Variants in DNAH3 observed in about 807,000 individuals in gnomAD.
DNAH3 encodes the protein axonemal beta dynein heavy chain 3.
A neutral mutation model predicts 432.5 loss-of-function variants in DNAH3; 332 were observed. The ratio of observed to expected loss-of-function variants is 0.77; its 90% CI spans 0.70 to 0.84. The LOEUF (loss-of-function observed/expected upper bound fraction) is 0.84, where lower values mean the gene tolerates loss of function less well. Among genes scored for constraint, DNAH3 ranks in the 40% least tolerant of loss-of-function variants. The pLI is 0.00. For missense variants in DNAH3, 4,861 were observed against 5,114.0 expected, an observed-to-expected ratio of 0.95 and a Z score of 1.51; for synonymous variants, 1,956 against 1,900.2, an observed-to-expected ratio of 1.03 and a Z score of -0.76.
At chr16:20,987,413 C>A in exon 47 of DNAH3, 1 of 1,614,130 alleles carries the variant, frequency 6.2e-7, no homozygotes, top group Non-Finnish European at 8.5e-7. Context: ...CCCGATAAAC[C>A]TCATGGATCC....
intron 20 of DNAH3, among the ~76,000 whole-genome samples, chr16:21,080,480 T>C (rs188434786): frequency 6.6e-6 from 1 of 152,354 alleles, no homozygotes; most frequent in East Asian, 1.9e-4. Context: ...TTGTAGTATG[T>C]CTTCGAAATC....
chr16:20,947,303 C>T (rs2084093008), intron 57 of DNAH3, among the ~76,000 whole-genome samples: 1 of 152,188 alleles, frequency 6.6e-6, no homozygotes, highest in South Asian at 2.1e-4. Context: ...GTTCTCACTC[C>T]TTCCGCCATA....
chr16:20,936,315 G>A (rs2083587896), intron 60 of DNAH3, among the ~76,000 whole-genome samples: 1 of 152,006 alleles, frequency 6.6e-6, no homozygotes, highest in African/African-American at 2.4e-5. Flanking sequence ...ACTATGCCCT[G>A]CTGATTTTTT....
At chr16:20,981,234 G>A (rs1303321331) in intron 49 of DNAH3, among the ~76,000 whole-genome samples, 2 of 152,178 alleles carry the variant, frequency 1.3e-5, no homozygotes, top group African/African-American at 2.4e-5. Context: ...GAAATGCAAA[G>A]TACCAGTTGG....
intron 40 of DNAH3, 41 bp from the exon 41 acceptor site, chr16:21,019,910 T>C: frequency 1.2e-6 from 2 of 1,603,278 alleles, no homozygotes; most frequent in Non-Finnish European, 1.7e-6. Flanking sequence ...GAGTGCAGAA[T>C]GCCACAGATG....
At chr16:21,105,531 C>T (rs957400863) in intron 15 of DNAH3, among the ~76,000 whole-genome samples, 8 of 151,892 alleles carry the variant, frequency 5.3e-5, no homozygotes, top group African/African-American at 1.5e-4. Context: ...ATTGGGAGGT[C>T]GAGGCAGGCA....
intron 37 of DNAH3, among the ~76,000 whole-genome samples, chr16:21,028,939 C>T (rs997633399): frequency 2.0e-5 from 3 of 152,212 alleles, no homozygotes; most frequent in Non-Finnish European, 4.4e-5. Flanking sequence ...TCAAACACAA[C>T]TTGAAACAGG....
At chr16:21,068,325 T>TCGGGG (rs2090646811) in intron 23 of DNAH3, among the ~76,000 whole-genome samples, 1 of 76,606 alleles carries the variant, frequency 1.3e-5, no homozygotes, top group Non-Finnish European at 3.0e-5. Flanking sequence ...TTTTTTTGGG[T>TCGGGG]GGGGGGGGGG....
intron 18 of DNAH3, among the ~76,000 whole-genome samples, chr16:21,087,556 GTTA>G (rs1357361096): frequency 6.6e-6 from 1 of 151,984 alleles, no homozygotes; most frequent in Non-Finnish European, 1.5e-5. Context: ...GAAAAAAATT[GTTA>G]TTATTGGTTT....
intron 31 of DNAH3, among the ~76,000 whole-genome samples, chr16:21,046,765 T>C (rs1241464391): frequency 6.6e-6 from 1 of 152,198 alleles, no homozygotes; most frequent in Non-Finnish European, 1.5e-5. Flanking sequence ...AGTTTCTTCC[T>C]AGTCTCGATG....
intron 48 of DNAH3, among the ~76,000 whole-genome samples, chr16:20,984,697 C>T (rs1020311477): frequency 3.9e-5 from 6 of 151,984 alleles, no homozygotes; most frequent in African/African-American, 1.2e-4. Flanking sequence ...TGGTGAAACC[C>T]CTCTCTACTA....
At chr16:20,965,281 T>G in exon 53 of DNAH3, 5 of 1,613,598 alleles carry the variant, frequency 3.1e-6, no homozygotes, top group Non-Finnish European at 4.2e-6. Context: ...TGGCTGGAAT[T>G]CCGGGTGATT....
chr16:21,070,464 G>A (rs1490021506), intron 22 of DNAH3, among the ~76,000 whole-genome samples: 1 of 152,014 alleles, frequency 6.6e-6, no homozygotes, highest in Non-Finnish European at 1.5e-5. Context: ...TGTATTTTCA[G>A]TAGAGACGGA....
At chr16:21,114,994 A>G (rs575264562) in intron 12 of DNAH3, among the ~76,000 whole-genome samples, 19 of 152,336 alleles carry the variant, frequency 1.2e-4, no homozygotes, top group Admixed American at 4.6e-4. Flanking sequence ...AACAAACCCA[A>G]ATGTCCATCA....
intron 54 of DNAH3, among the ~76,000 whole-genome samples, 155 bp from the exon 55 acceptor site, chr16:20,955,212 T>TA (rs954103913): frequency 9.9e-5 from 15 of 151,352 alleles, no homozygotes; most frequent in African/African-American, 2.2e-4. Flanking sequence ...ATTGATAAAT[T>TA]AAAAAAAAAT....
chr16:21,016,076 A>C (rs2087842658), intron 41 of DNAH3, among the ~76,000 whole-genome samples: 1 of 152,190 alleles, frequency 6.6e-6, no homozygotes, highest in African/African-American at 2.4e-5. Flanking sequence ...GGTGTGAGCC[A>C]CTGTGCCTGG....
exon 53 of DNAH3, chr16:20,964,969 C>T: frequency 1.2e-6 from 2 of 1,614,214 alleles, no homozygotes; most frequent in Admixed American, 1.7e-5. Context: ...CCCAAGACCA[C>T]TGATCAGTTT....
At chr16:21,136,968 A>T (rs990755591) in intron 5 of DNAH3, among the ~76,000 whole-genome samples, 14 of 152,158 alleles carry the variant, frequency 9.2e-5, no homozygotes, top group Admixed American at 9.2e-4. Flanking sequence ...CCCCATCTCT[A>T]CTACAAAATA....
chr16:21,144,323 G>A (rs1026608754), intron 3 of DNAH3, among the ~76,000 whole-genome samples: 3 of 152,050 alleles, frequency 2.0e-5, no homozygotes, highest in African/African-American at 7.2e-5. Context: ...TCTCTTGCTG[G>A]CTCTCTCTCT....
Sources: allele counts gnomAD v4.1 joint callset (sites outside exome capture counted in the v4.1 genomes callset), GRCh38; gene constraint gnomAD v4.1.1; transcripts MANE v1.5; gene names NCBI Gene and HGNC (gene_info 2026-07-23, HGNC 2026-07-21).